The following PPARGC1A variants were observed in gnomAD, a reference collection of about 807,000 sequenced individuals.
PPARGC1A encodes PPARG coactivator 1 alpha.
A neutral mutation model predicts 88.7 loss-of-function variants in PPARGC1A; 25 were observed. The ratio of observed to expected loss-of-function variants is 0.28; its 90% confidence interval spans 0.21 to 0.39. The LOEUF (loss-of-function observed/expected upper bound fraction) is 0.39, where lower values mean the gene tolerates loss of function less well. Ranked by LOEUF, PPARGC1A falls within the 10% of genes least tolerant of loss-of-function variation. PPARGC1A has a pLI of 1.00. For synonymous variants in PPARGC1A, 363 were observed against 355.6 expected (o/e 1.02, Z -0.24); for missense variants, 880 against 968.7 (o/e 0.91, Z 1.22).
chr4:24,247,481 CATT>C, the PPARGC1A span, among the ~76,000 whole-genome samples: 6 of 152,188 alleles, frequency 3.9e-5, no homozygotes, highest in East Asian at 1.2e-3. Context: ...AGCTTATCAT[CATT>C]ATGATGATAG....
intron 2 of PPARGC1A, among the ~76,000 whole-genome samples, chr4:23,841,989 T>A (rs949192312): frequency 3.3e-5 from 5 of 152,140 alleles, no homozygotes; most frequent in Non-Finnish European, 7.4e-5. Context: ...GAGTTGGATA[T>A]TAAACCAGAT....
intron 12 of PPARGC1A, 115 bp from the exon 13 acceptor site, chr4:23,796,040 G>GAA (rs776896802): frequency 1.2e-5 from 9 of 751,422 alleles, no homozygotes; most frequent in Non-Finnish European, 2.0e-5. Context: ...ATATACTTTA[G>GAA]AAAACAATAG....
chr4:23,829,787 C>G (rs1292962415), intron 3 of PPARGC1A: 3 of 330,240 alleles, frequency 9.1e-6, no homozygotes, highest in Admixed American at 4.6e-5. Context: ...CATTACACTA[C>G]CAACTATGAA....
the PPARGC1A span, among the ~76,000 whole-genome samples, chr4:24,282,212 C>T: frequency 6.6e-6 from 1 of 152,116 alleles, no homozygotes; most frequent in South Asian, 2.1e-4. Context: ...AATGAGGACC[C>T]CACACAGGTT....
chr4:24,316,952 G>A, the PPARGC1A span, among the ~76,000 whole-genome samples: 1 of 151,700 alleles, frequency 6.6e-6, no homozygotes, highest in African/African-American at 2.4e-5. Context: ...GGGTGTAGGT[G>A]GAGGGGAGAG....
the PPARGC1A span, among the ~76,000 whole-genome samples, chr4:24,305,259 T>C: frequency 6.6e-6 from 1 of 151,024 alleles, no homozygotes; most frequent in African/African-American, 2.4e-5. Flanking sequence ...ATAATATATA[T>C]ATGATATCTA....
At chr4:24,137,957 G>A in the PPARGC1A span, among the ~76,000 whole-genome samples, 1 of 152,190 alleles carries the variant, frequency 6.6e-6, no homozygotes, top group South Asian at 2.1e-4. Context: ...CATCTAACAT[G>A]ATCATAAAAA....
chr4:24,021,502 A>G, the PPARGC1A span, among the ~76,000 whole-genome samples: 1 of 152,182 alleles, frequency 6.6e-6, no homozygotes, highest in Admixed American at 6.5e-5. Flanking sequence ...CTCACAGTAC[A>G]TATTATCTAG....
At chr4:24,324,426 C>T in the PPARGC1A span, among the ~76,000 whole-genome samples, 3 of 151,956 alleles carry the variant, frequency 2.0e-5, no homozygotes, top group African/African-American at 7.3e-5. Context: ...GGGCAAGAAC[C>T]CCCCACCCCT....
chr4:23,933,907 G>A, the PPARGC1A span, among the ~76,000 whole-genome samples: 3 of 152,214 alleles, frequency 2.0e-5, no homozygotes, highest in Non-Finnish European at 4.4e-5. Flanking sequence ...TCAGGAAAAG[G>A]TGTAATGTGT....
chr4:24,062,027 A>G, the PPARGC1A span, among the ~76,000 whole-genome samples: 3 of 152,228 alleles, frequency 2.0e-5, no homozygotes, highest in Admixed American at 1.3e-4. Flanking sequence ...CCAGAACCCA[A>G]GCAAACATAC....
chr4:24,074,722 A>G, the PPARGC1A span, among the ~76,000 whole-genome samples: 1 of 152,156 alleles, frequency 6.6e-6, no homozygotes, highest in Non-Finnish European at 1.5e-5. Context: ...CCAGTGCCTG[A>G]AAACATTTGC....
At chr4:23,860,954 T>C (rs1197201210) in intron 2 of PPARGC1A, among the ~76,000 whole-genome samples, 2 of 152,186 alleles carry the variant, frequency 1.3e-5, no homozygotes, top group Non-Finnish European at 2.9e-5. Flanking sequence ...TAATGTCAGG[T>C]AATACCAGTT....
At chr4:24,316,795 T>C in the PPARGC1A span, among the ~76,000 whole-genome samples, 4 of 152,304 alleles carry the variant, frequency 2.6e-5, no homozygotes, top group East Asian at 7.7e-4. Flanking sequence ...GTAAGAACTA[T>C]GAAAATGGTA....
the PPARGC1A span, among the ~76,000 whole-genome samples, chr4:23,942,511 C>T: frequency 2.0e-5 from 3 of 152,216 alleles, no homozygotes; most frequent in East Asian, 1.9e-4. Flanking sequence ...GAACAAGTCC[C>T]GATCTTTGAA....
the PPARGC1A span, among the ~76,000 whole-genome samples, chr4:24,184,369 C>A: frequency 1.3e-5 from 2 of 152,186 alleles, no homozygotes; most frequent in South Asian, 4.1e-4. Context: ...TTTCCCGCCT[C>A]CCATGGGTCT....
At chr4:23,983,436 A>G in the PPARGC1A span, among the ~76,000 whole-genome samples, 1 of 152,152 alleles carries the variant, frequency 6.6e-6, no homozygotes, top group African/African-American at 2.4e-5. Flanking sequence ...ACAGGGCAGC[A>G]ACAACTCATG....
chr4:24,218,992 T>C, the PPARGC1A span, among the ~76,000 whole-genome samples: 1 of 152,240 alleles, frequency 6.6e-6, no homozygotes, highest in Non-Finnish European at 1.5e-5. Flanking sequence ...AATCACCAAG[T>C]ACAAGGTGGG....
chr4:23,959,177 GGGC>G, the PPARGC1A span, among the ~76,000 whole-genome samples: 5 of 152,138 alleles, frequency 3.3e-5, no homozygotes, highest in East Asian at 9.7e-4. Context: ...TTGATCGAAG[GGGC>G]GGCATTGCCC....
Sources: allele counts gnomAD v4.1 joint callset (sites outside exome capture counted in the v4.1 genomes callset), GRCh38; gene constraint gnomAD v4.1.1; transcripts MANE v1.5; gene names NCBI Gene and HGNC (gene_info 2026-07-23, HGNC 2026-07-21).